The following APAF1 variants were observed in gnomAD, a reference collection of about 807,000 sequenced individuals.
The protein encoded by APAF1 is apoptotic peptidase activating factor 1.
APAF1 carries 91 observed loss-of-function variants against 152.4 expected under a neutral mutation model. The ratio of observed to expected loss-of-function variants is 0.60; its 90% confidence interval spans 0.50 to 0.71. The LOEUF is 0.71. Among genes scored for constraint, APAF1 ranks in the 30% least tolerant of loss-of-function variants. The pLI, the probability that APAF1 is intolerant of heterozygous loss-of-function variation, is 0.00. For synonymous variants in APAF1, 484 were observed against 494.1 expected (o/e 0.98, Z 0.27); for missense variants, 1,283 against 1,472.0 (o/e 0.87, Z 2.10).
intron 5 of APAF1, 35 bp downstream of exon 5, chr12:98,659,378 C>G (rs760566673): frequency 6.2e-7 from 1 of 1,602,164 alleles, no homozygotes; most frequent in East Asian, 2.2e-5. Flanking sequence ...TGTGTCAGGT[C>G]CCATGTCCCA....
At chr12:98,647,905 T>G (rs1251522575) in intron 1 of APAF1, among the ~76,000 whole-genome samples, 1 of 152,034 alleles carries the variant, frequency 6.6e-6, no homozygotes, top group Non-Finnish European at 1.5e-5. Flanking sequence ...TCTTTTTTCT[T>G]TTTATTTTTT....
chr12:98,658,613 CAT>C (rs1271316401), intron 4 of APAF1, among the ~76,000 whole-genome samples: 1 of 152,094 alleles, frequency 6.6e-6, no homozygotes, highest in African/African-American at 2.4e-5. Flanking sequence ...ATAAGAAAAC[CAT>C]AATGGGTGAG....
At chr12:98,692,683 A>G (rs1565879313) in intron 16 of APAF1, among the ~76,000 whole-genome samples, 1 of 152,190 alleles carries the variant, frequency 6.6e-6, no homozygotes, top group African/African-American at 2.4e-5. Flanking sequence ...GCTTAGGATA[A>G]TGGCCTCCAG....
intron 1 of APAF1, among the ~76,000 whole-genome samples, chr12:98,647,071 A>T (rs2097641856): frequency 6.6e-6 from 1 of 152,156 alleles, no homozygotes; most frequent in African/African-American, 2.4e-5. Flanking sequence ...AATCTTAATT[A>T]AAAAAGGAAG....
rs901933813 is a variant in APAF1 at position 98,653,026 on chromosome 12, GT to G, written c.526+3353del. ...AACTCTGATGTAGTCAAACTAATCA[GT>G]TTTTTTTTTTGTCTTCTAACTTGTG... On this transcript the variant is annotated intron_variant, in intron 4 of 26. Coordinates refer to ENST00000551964, the MANE Select transcript of APAF1 (RefSeq NM_181861.2). 3.5e-3 allele frequency among the ~76,000 whole-genome samples: 506 copies of G among 146,594 alleles called. 4 individuals are homozygous for G. Among genetic ancestry groups the G allele is most frequent in the African/African-American group, 0.011 (461 of 40,208 alleles).
intron 4 of APAF1, among the ~76,000 whole-genome samples, chr12:98,658,301 AATG>A (rs2097660379): frequency 6.6e-6 from 1 of 152,200 alleles, no homozygotes; most frequent in South Asian, 2.1e-4. Context: ...CTCAATTAAC[AATG>A]ATGATGATAA....
intron 22 of APAF1, among the ~76,000 whole-genome samples, chr12:98,719,346 CTT>C (rs1491549175): frequency 1.3e-5 from 2 of 151,752 alleles, no homozygotes; most frequent in African/African-American, 4.8e-5. Context: ...TTGCTTTAGA[CTT>C]TTTCTTTTCT....
At chr12:98,712,680 C>T in intron 21 of APAF1, 2 of 439,542 alleles carry the variant, frequency 4.6e-6, no homozygotes, top group Non-Finnish European at 8.2e-6. Flanking sequence ...CCATGCCCGA[C>T]TAATTTTTTT....
chr12:98,690,752 T>C (rs1400555484), intron 16 of APAF1, among the ~76,000 whole-genome samples: 1 of 152,236 alleles, frequency 6.6e-6, no homozygotes, highest in Non-Finnish European at 1.5e-5. Context: ...AATCCTTTTC[T>C]GCTGTTCTTA....
chr12:98,723,668 A>G lies in APAF1; in HGVS notation c.3234A>G (p.Glu1078=), dbSNP rs143961269. ...GGAATATTATTACTGGAAATAAAGAAAAAGACTTTGTCTGTCACCAGGGTA... is the reference window on the plus strand; with the variant it reads ...GGAATATTATTACTGGAAATAAAGAGAAAGACTTTGTCTGTCACCAGGGTA... The part of the protein sequence containing the change: ...KVWNIITGNK[E]KDFVCHQGTV... The change falls in exon 24 of 27, where the codon GAA becomes GAG. Residue 1078 remains glutamate (E), a synonymous_variant. Coordinates refer to ENST00000551964, the MANE Select transcript of APAF1 (RefSeq NM_181861.2). The G allele has an allele frequency of 9.3e-6, 15 of 1,608,844 alleles. No individual in the cohort carries two copies. In the African/African-American group the frequency reaches 1.7e-4, roughly 19 times the overall value.
chr12:98,661,012 C>T (rs1407229891), intron 5 of APAF1, among the ~76,000 whole-genome samples: 1 of 152,194 alleles, frequency 6.6e-6, no homozygotes, highest in African/African-American at 2.4e-5. Flanking sequence ...AAGTGATTCT[C>T]CTGCCTCAGC....
intron 14 of APAF1, 73 bp downstream of exon 14, chr12:98,680,475 G>A (rs1051983561): frequency 4.8e-6 from 7 of 1,448,994 alleles, no homozygotes; most frequent in Non-Finnish European, 5.7e-6. Flanking sequence ...CATGAGACCA[G>A]AGTAAGTAGA....
rs141234943 is a variant in APAF1 at position 98,649,805 on chromosome 12, A to G, written c.526+121A>G. On this transcript the variant is annotated intron_variant, in intron 4 of 26. Transcript: ENST00000551964. ...AAGTATAAGGTACAGAGTTAGAACA[A>G]AGGAAGGATATGTTAACTCTCTGAA... The G allele has an allele frequency of 8.5e-5, 80 of 941,514 alleles. No individual in the cohort carries two copies. In the African/African-American group the frequency reaches 1.2e-3, roughly 14 times the overall value. 58.3% of individuals were successfully genotyped at this position (941,514 alleles called of 1,614,324 possible). A position where few individuals can be genotyped will look rare whatever the true frequency, so the allele number is the denominator to read the frequency against.
rs369724536 is a variant in APAF1, at chr12:98,732,559, T to C, written c.3740T>C (p.Leu1247Ser). 10 of 1,554,356 alleles carry C rather than the reference T, an allele frequency of 6.4e-6. No individual in the cohort carries two copies. Among genetic ancestry groups the C allele is most frequent in the East Asian group, 2.3e-5 (1 of 44,438 alleles). ...GGTATTTTATATATTTTACAGACTT[T>C]AGAATAAAATAGTTAAGCATTAATG... ...NLGILYILQT[L>S]E Residue 1247 changes from leucine (L) to serine (S), a missense_variant, in exon 27 of 27, where the codon TTA becomes TCA. Physicochemically the swap from Leu to Ser is moderately radical, Grantham distance 145. Coordinates refer to ENST00000551964, the MANE Select transcript of APAF1 (RefSeq NM_181861.2).
chr12:98,717,762 T>A (rs965785867), intron 22 of APAF1, among the ~76,000 whole-genome samples: 18 of 152,284 alleles, frequency 1.2e-4, no homozygotes, highest in African/African-American at 4.1e-4. Context: ...TTGGTTGTTT[T>A]GACCTCCTAT....
intron 17 of APAF1, among the ~76,000 whole-genome samples, chr12:98,701,006 T>G (rs2097714882): frequency 6.6e-6 from 1 of 152,040 alleles, no homozygotes; most frequent in Admixed American, 6.6e-5. Context: ...TTTTTTTTTC[T>G]TACAAACCAG....
intron 22 of APAF1, among the ~76,000 whole-genome samples, chr12:98,718,071 C>T (rs766467599): frequency 2.6e-5 from 4 of 152,120 alleles, no homozygotes; most frequent in Non-Finnish European, 5.9e-5. Flanking sequence ...TACACCTTCC[C>T]TTGATCCCTC....
intron 6 of APAF1, 43 bp downstream of exon 6, chr12:98,662,611 T>G: frequency 6.2e-7 from 1 of 1,601,698 alleles, no homozygotes; most frequent in Non-Finnish European, 8.5e-7. Flanking sequence ...TATATTTAAT[T>G]TAATTACATT....
chr12:98,714,856 TG>T (rs999065511), intron 21 of APAF1, among the ~76,000 whole-genome samples: 1 of 151,100 alleles, frequency 6.6e-6, no homozygotes, highest in Non-Finnish European at 1.5e-5. Context: ...TTTTTTTTTT[TG>T]ACATAGTCAT....
Sources: allele counts gnomAD v4.1 joint callset (sites outside exome capture counted in the v4.1 genomes callset), GRCh38; gene constraint gnomAD v4.1.1; transcripts MANE v1.5; gene names NCBI Gene and HGNC (gene_info 2026-07-23, HGNC 2026-07-21).